The following SLCO5A1 variants were observed in gnomAD, a reference collection of about 807,000 sequenced individuals.
The protein encoded by SLCO5A1 is organic anion transporter polypeptide-related protein 4.
Under a neutral mutation model 65.1 loss-of-function variants are expected in SLCO5A1, and 39 were observed. That is an observed-to-expected ratio of 0.60 (90% CI 0.46 to 0.78). The LOEUF (loss-of-function observed/expected upper bound fraction) is 0.78. Ranked by LOEUF, SLCO5A1 falls within the 30% of genes least tolerant of loss-of-function variation. The probability of loss-of-function intolerance (pLI) is 0.00; values close to 1 mark genes in which losing one functional copy is unlikely to be tolerated. For synonymous variants in SLCO5A1, 438 were observed against 415.7 expected (o/e 1.05, Z -0.65); for missense variants, 1,029 against 1,069.4 (o/e 0.96, Z 0.53).
intron 3 of SLCO5A1, among the ~76,000 whole-genome samples, chr8:69,759,756 C>T (rs1016247226): frequency 6.6e-6 from 1 of 152,222 alleles, no homozygotes; most frequent in Non-Finnish European, 1.5e-5. Context: ...AGTGATTCTC[C>T]TGCCTCAGCC....
intron 8 of SLCO5A1, among the ~76,000 whole-genome samples, chr8:69,677,026 G>GT (rs1019125848): frequency 2.7e-5 from 4 of 148,820 alleles, no homozygotes; most frequent in Non-Finnish European, 5.9e-5. Context: ...ATACTGCACG[G>GT]TTTTTTTGTT....
intron 4 of SLCO5A1, among the ~76,000 whole-genome samples, chr8:69,740,437 G>A (rs748631266): frequency 6.6e-6 from 1 of 152,170 alleles, no homozygotes; most frequent in Non-Finnish European, 1.5e-5. Context: ...GGAACTGGAG[G>A]TACTGGTATG....
chr8:69,720,110 C>G (rs1016501203), intron 5 of SLCO5A1, among the ~76,000 whole-genome samples: 2 of 152,198 alleles, frequency 1.3e-5, no homozygotes, highest in African/African-American at 4.8e-5. Context: ...CCTTATTGCT[C>G]AGACCTTATT....
chr8:69,763,181 T>C (rs1817877497), intron 2 of SLCO5A1, among the ~76,000 whole-genome samples: 1 of 150,854 alleles, frequency 6.6e-6, no homozygotes, highest in Non-Finnish European at 1.5e-5. Context: ...TGGTGGCACG[T>C]GCCTGTAATC....
At chr8:69,708,238 T>G (rs11987225) in intron 5 of SLCO5A1, among the ~76,000 whole-genome samples, 3 of 152,130 alleles carry the variant, frequency 2.0e-5, no homozygotes, top group African/African-American at 7.2e-5. Context: ...CCTCACTCCA[T>G]CTTTTGTAGC....
chr8:69,790,228 G>T (rs1467457838), intron 2 of SLCO5A1, among the ~76,000 whole-genome samples: 1 of 148,340 alleles, frequency 6.7e-6, no homozygotes, highest in Non-Finnish European at 1.5e-5. Context: ...TAATTGGATT[G>T]TTTGTAACTC....
chr8:69,757,078 T>C lies in SLCO5A1; in HGVS notation c.1041-1437A>G, dbSNP rs143293367. On this transcript the variant is annotated intron_variant, in intron 3 of 9. Coordinates refer to ENST00000260126, the MANE Select transcript of SLCO5A1 (RefSeq NM_030958.3). Reference sequence around the variant, plus strand: ...GAAAATTCATTTTTTAAAATAATGTTTCTATTAAAGTGCTGTTATCAGCTG... The same window carrying C: ...GAAAATTCATTTTTTAAAATAATGTCTCTATTAAAGTGCTGTTATCAGCTG... 5.1e-4 allele frequency among the ~76,000 whole-genome samples: 78 copies of C among 152,378 alleles called. 1 individual carries two copies. The highest frequency in any genetic ancestry group is 6.5e-4 in the Admixed American group (10 of 15,306).
chr8:69,803,997 G>A (rs1470624548), intron 2 of SLCO5A1, among the ~76,000 whole-genome samples: 1 of 152,126 alleles, frequency 6.6e-6, no homozygotes, highest in Non-Finnish European at 1.5e-5. Context: ...CACCACTGGG[G>A]AGAGGGAAAG....
At chr8:69,734,243 C>A (rs1163188672) in intron 5 of SLCO5A1, among the ~76,000 whole-genome samples, 1 of 152,144 alleles carries the variant, frequency 6.6e-6, no homozygotes, top group Admixed American at 6.5e-5. Flanking sequence ...TAGGGATAAA[C>A]TCTCCCCTCC....
intron 2 of SLCO5A1, among the ~76,000 whole-genome samples, chr8:69,798,905 T>G (rs1213392711): frequency 6.6e-6 from 1 of 152,240 alleles, no homozygotes; most frequent in Non-Finnish European, 1.5e-5. Flanking sequence ...TGTTATGATT[T>G]TGACAACAAT....
rs139578789 is a variant in SLCO5A1, at chr8:69,669,531, T to C, written c.*3338A>G. The stretch of plus-strand genomic sequence containing the variant: ...TATGTTTTTTAAAAAAATAATAAAA[T>C]CAGCCGGGCATGGTGGCTCATGCCT... On this transcript the variant is annotated 3_prime_UTR_variant, in exon 10 of 10. Coordinates refer to ENST00000260126, the MANE Select transcript of SLCO5A1 (RefSeq NM_030958.3). The C allele has an allele frequency of 7.2e-5, 11 of 152,210 alleles. No homozygotes were observed. Among genetic ancestry groups the C allele is most frequent in the African/African-American group, 2.4e-4 (10 of 41,520 alleles). 9.4% of individuals were successfully genotyped at this position (152,210 alleles called of 1,614,324 possible).
chr8:69,791,416 G>A (rs1819261863), intron 2 of SLCO5A1, among the ~76,000 whole-genome samples: 1 of 152,186 alleles, frequency 6.6e-6, no homozygotes, highest in Admixed American at 6.5e-5. Flanking sequence ...ACTGAGTCAG[G>A]AGATAAGAGA....
intron 5 of SLCO5A1, among the ~76,000 whole-genome samples, chr8:69,729,170 T>C (rs1305911210): frequency 6.6e-6 from 1 of 152,042 alleles, no homozygotes; most frequent in African/African-American, 2.4e-5. Context: ...CTGCGCCCGG[T>C]GCAGTGGCTC....
intron 4 of SLCO5A1, among the ~76,000 whole-genome samples, chr8:69,751,847 A>G (rs968872598): frequency 6.6e-6 from 1 of 152,164 alleles, no homozygotes; most frequent in African/African-American, 2.4e-5. Context: ...GCACCTGGCC[A>G]ATAGTTTTCT....
At chr8:69,706,555 T>C (rs2130811596) in intron 5 of SLCO5A1, among the ~76,000 whole-genome samples, 1 of 152,280 alleles carries the variant, frequency 6.6e-6, no homozygotes, top group East Asian at 1.9e-4. Flanking sequence ...AAAAGAGGCC[T>C]GAAAGAGCTA....
intron 2 of SLCO5A1, among the ~76,000 whole-genome samples, chr8:69,779,222 A>G (rs1455281410): frequency 1.3e-5 from 2 of 152,154 alleles, no homozygotes; most frequent in Admixed American, 6.6e-5. Flanking sequence ...ACATTATTTT[A>G]ATTTTCACCC....
intron 5 of SLCO5A1, among the ~76,000 whole-genome samples, chr8:69,722,749 AATG>A (rs1188542147): frequency 6.6e-6 from 1 of 151,404 alleles, no homozygotes; most frequent in African/African-American, 2.4e-5. Context: ...TCAAGACAAA[AATG>A]ATGAGATTTG....
intron 9 of SLCO5A1, among the ~76,000 whole-genome samples, chr8:69,674,661 C>A (rs1187353161): frequency 6.6e-6 from 1 of 151,836 alleles, no homozygotes; most frequent in Non-Finnish European, 1.5e-5. Context: ...CTCACCTTTA[C>A]CTCCAAATCA....
chr8:69,693,524 C>A (rs572586622), intron 6 of SLCO5A1, among the ~76,000 whole-genome samples: 1 of 152,126 alleles, frequency 6.6e-6, no homozygotes, highest in African/African-American at 2.4e-5. Context: ...GTATTTTTTT[C>A]TTCTGTCAAA....
Sources: allele counts gnomAD v4.1 joint callset (sites outside exome capture counted in the v4.1 genomes callset), GRCh38; gene constraint gnomAD v4.1.1; transcripts MANE v1.5; gene names NCBI Gene and HGNC (gene_info 2026-07-23, HGNC 2026-07-21).